HPSE2: variants seen among roughly 807,000 people sequenced by gnomAD.
HPSE2 encodes heparanase 2 (inactive).
A neutral mutation model predicts 60.5 loss-of-function variants in HPSE2; 38 were observed. That is an observed-to-expected ratio of 0.63 (90% CI 0.48 to 0.82). HPSE2 has a LOEUF of 0.82. Ranked by LOEUF, HPSE2 falls within the 40% of genes least tolerant of loss-of-function variation. HPSE2 has a pLI of 0.00. For synonymous variants in HPSE2, 295 were observed against 293.2 expected (o/e 1.01, Z -0.06); for missense variants, 713 against 740.4 (o/e 0.96, Z 0.43).
At chr10:99,122,002 T>A (rs1844972469) in intron 3 of HPSE2, among the ~76,000 whole-genome samples, 1 of 152,094 alleles carries the variant, frequency 6.6e-6, no homozygotes, top group African/African-American at 2.4e-5. Context: ...CACAAAATTT[T>A]AAGGTGGTAA....
At chr10:99,302,230 G>A in the HPSE2 span, among the ~76,000 whole-genome samples, 1 of 152,040 alleles carries the variant, frequency 6.6e-6, no homozygotes, top group Non-Finnish European at 1.5e-5. Flanking sequence ...AAAGACTTAA[G>A]AGTCAATATA....
intron 3 of HPSE2, among the ~76,000 whole-genome samples, chr10:98,835,112 T>C (rs984500129): frequency 2.0e-5 from 3 of 152,144 alleles, no homozygotes; most frequent in Non-Finnish European, 4.4e-5. Flanking sequence ...ACTAAAATGT[T>C]TGAGAATTGT....
chr10:99,232,506 C>A lies in HPSE2; in HGVS notation c.291-1G>T, dbSNP rs972132707. On this transcript the variant is annotated splice_acceptor_variant, in intron 1 of 11. Coordinates refer to ENST00000370552, the MANE Select transcript of HPSE2 (RefSeq NM_021828.5). LOFTEE classifies it high-confidence loss of function. ...GGCCAGGGTCACCAAGCGCTTGGAGCTGCAGAGGAAGAGAATAAGAGAGGA... is the reference window on the plus strand; with the variant it reads ...GGCCAGGGTCACCAAGCGCTTGGAGATGCAGAGGAAGAGAATAAGAGAGGA... 6.4e-7 allele frequency: 1 copy of A among 1,552,936 alleles called. No homozygotes were observed. The highest frequency in any genetic ancestry group is 1.4e-5 in the African/African-American group (1 of 73,244).
At chr10:98,757,213 C>T (rs1423463787) in intron 3 of HPSE2, among the ~76,000 whole-genome samples, 1 of 152,130 alleles carries the variant, frequency 6.6e-6, no homozygotes, top group African/African-American at 2.4e-5. Flanking sequence ...GGCAAACCCA[C>T]GGCCAGTAAT....
intron 3 of HPSE2, among the ~76,000 whole-genome samples, chr10:98,958,236 T>C (rs1239557687): frequency 6.6e-6 from 1 of 152,178 alleles, no homozygotes; most frequent in African/African-American, 2.4e-5. Context: ...CATATTTGTA[T>C]ACATATACAA....
At chr10:98,834,511 C>T (rs1032947210) in intron 3 of HPSE2, among the ~76,000 whole-genome samples, 14 of 152,112 alleles carry the variant, frequency 9.2e-5, no homozygotes, top group African/African-American at 3.4e-4. Flanking sequence ...CATTTTGCAA[C>T]ATCCAATGAA....
intron 8 of HPSE2, 27 bp from the exon 9 acceptor site, chr10:98,615,045 T>C: frequency 6.6e-7 from 1 of 1,512,568 alleles, no homozygotes; most frequent in Non-Finnish European, 9.2e-7. Context: ...AAGAGCTACA[T>C]CAATATATTT....
At chr10:98,775,254 G>A (rs751359452) in intron 3 of HPSE2, among the ~76,000 whole-genome samples, 1 of 152,204 alleles carries the variant, frequency 6.6e-6, no homozygotes, top group East Asian at 1.9e-4. Context: ...GCTGATATAT[G>A]ATCATCTTTC....
At chr10:99,099,802 G>T (rs940615075) in intron 3 of HPSE2, among the ~76,000 whole-genome samples, 1 of 152,170 alleles carries the variant, frequency 6.6e-6, no homozygotes, top group African/African-American at 2.4e-5. Context: ...AGCTTCCAGA[G>T]AAACAATGAG....
Position 98,482,627 on chromosome 10 carries a change from G to A in HPSE2, c.1613+9C>T, listed in dbSNP as rs535802252. ...CTTGCTCCCGAGCTATTTTCAGGTT[G>A]GCACGTACTTGGACTTTAGGCCCTC... On this transcript the variant is annotated intron_variant, in intron 11 of 11. Coordinates refer to ENST00000370552, the MANE Select transcript of HPSE2 (RefSeq NM_021828.5). 1.4e-5 allele frequency: 22 copies of A among 1,614,076 alleles called. No homozygotes were observed. The African/African-American group carries it at 2.5e-4, about 19-fold the overall frequency.
intron 2 of HPSE2, among the ~76,000 whole-genome samples, chr10:99,196,475 A>C (rs762206164): frequency 6.6e-5 from 10 of 152,178 alleles, no homozygotes; most frequent in Non-Finnish European, 1.5e-4. Flanking sequence ...AGGGATTAAT[A>C]ACCAGAATAC....
At chr10:99,134,651 A>G (rs1845571915) in intron 3 of HPSE2, among the ~76,000 whole-genome samples, 1 of 152,184 alleles carries the variant, frequency 6.6e-6, no homozygotes, top group Non-Finnish European at 1.5e-5. Context: ...AATAAAATCC[A>G]TTACAGACAA....
rs148377396 is a variant in HPSE2 at position 99,081,029 on chromosome 10, C to T, written c.610+63209G>A. Among the ~76,000 whole-genome samples the T allele has an allele frequency of 9.7e-3, 1,475 of 152,264 alleles. 13 individuals are homozygous for T. Among genetic ancestry groups the T allele is most frequent in the Non-Finnish European group, 0.013 (916 of 68,018 alleles). ...CAGGCTGGTTTCAAACTCCTGACCT[C>T]GTGATCCACCCACCTCGGCCTCCCA... On this transcript the variant is annotated intron_variant, in intron 3 of 11. Transcript: ENST00000370552.
intron 3 of HPSE2, among the ~76,000 whole-genome samples, chr10:99,117,707 A>T (rs1394905118): frequency 6.6e-6 from 1 of 152,166 alleles, no homozygotes. Flanking sequence ...TGAGCTCTGA[A>T]ATTGAAACAG....
At chr10:98,654,484 C>T (rs1248534606) in intron 6 of HPSE2, among the ~76,000 whole-genome samples, 1 of 152,228 alleles carries the variant, frequency 6.6e-6, no homozygotes, top group East Asian at 1.9e-4. Context: ...CTCACCAATT[C>T]TTTCATCAGC....
chr10:98,949,326 C>T (rs1955286007), intron 3 of HPSE2, among the ~76,000 whole-genome samples: 1 of 152,090 alleles, frequency 6.6e-6, no homozygotes, highest in Admixed American at 6.6e-5. Flanking sequence ...GACCCTTACC[C>T]CTCCCCACAA....
At chr10:98,870,393 A>G (rs989172289) in intron 3 of HPSE2, among the ~76,000 whole-genome samples, 9 of 152,164 alleles carry the variant, frequency 5.9e-5, no homozygotes, top group Non-Finnish European at 1.2e-4. Context: ...GAAACCTTTA[A>G]GAAGCAGGGT....
intron 8 of HPSE2, among the ~76,000 whole-genome samples, chr10:98,619,379 A>G (rs1169027386): frequency 6.6e-6 from 1 of 152,190 alleles, no homozygotes; most frequent in Admixed American, 6.5e-5. Flanking sequence ...CATTCTCCAG[A>G]CGACTGTAGT....
rs987572254 is a variant in HPSE2, at chr10:98,457,912, G to C, written c.*1662C>G. The C allele has an allele frequency of 2.0e-5, 3 of 152,316 alleles. No individual in the cohort carries two copies. The highest frequency in any genetic ancestry group is 2.9e-5 in the Non-Finnish European group (2 of 68,198). The allele number at this position is 152,316 out of a possible 1,614,324, so 9.4% of individuals were successfully genotyped here. A position where few individuals can be genotyped will look rare whatever the true frequency, so the allele number is the denominator to read the frequency against. On this transcript the variant is annotated 3_prime_UTR_variant, in exon 12 of 12. Transcript: ENST00000370552. ...TCCTCGGGCTCTCCCTTTCTTGCTC[G>C]CTGTAGTACATCTGCTGTATGCTGT...
Sources: allele counts gnomAD v4.1 joint callset (sites outside exome capture counted in the v4.1 genomes callset), GRCh38; gene constraint gnomAD v4.1.1; transcripts MANE v1.5; gene names NCBI Gene and HGNC (gene_info 2026-07-23, HGNC 2026-07-21).